OLFM3: variants seen among roughly 807,000 people sequenced by gnomAD.
OLFM3 encodes the protein olfactomedin 3.
Under a neutral mutation model 48.6 loss-of-function variants are expected in OLFM3, and 20 were observed. The ratio of observed to expected loss-of-function variants is 0.41; its 90% CI spans 0.29 to 0.60. OLFM3 has a LOEUF of 0.60. Ranked by LOEUF, OLFM3 falls within the 20% of genes least tolerant of loss-of-function variation. OLFM3 has a pLI of 0.28. For synonymous variants in OLFM3, 222 were observed against 198.1 expected, an observed-to-expected ratio of 1.12 and a Z score of -1.01; for missense variants, 437 against 544.3, an observed-to-expected ratio of 0.80 and a Z score of 1.96.
chr1:101,835,299 A>G (rs939437851), intron 2 of OLFM3, among the ~76,000 whole-genome samples: 2 of 152,198 alleles, frequency 1.3e-5, no homozygotes, highest in African/African-American at 4.8e-5. Context: ...TTATATAAAT[A>G]AAAAAATCAA....
chr1:101,983,123 CTCTT>C (rs1427065690), intron 1 of OLFM3, among the ~76,000 whole-genome samples: 1 of 152,138 alleles, frequency 6.6e-6, no homozygotes, highest in Admixed American at 6.5e-5. Flanking sequence ...ACCAGTGGCT[CTCTT>C]TCTTTTACAT....
chr1:101,984,590 G>A (rs1017914184), intron 1 of OLFM3, among the ~76,000 whole-genome samples: 1 of 152,122 alleles, frequency 6.6e-6, no homozygotes, highest in African/African-American at 2.4e-5. Context: ...AGTAGAGACG[G>A]GGTTTCACCA....
rs199698350 is a variant in OLFM3, at chr1:101,871,671, A to G, written c.70-34646T>C. Among the ~76,000 whole-genome samples, 4 of 152,046 alleles carry G rather than the reference A, an allele frequency of 2.6e-5. No homozygotes were observed. The East Asian group carries it at 7.7e-4, about 29-fold the overall frequency. On this transcript the variant is annotated intron_variant, in intron 1 of 5. Transcript: ENST00000370103. ...AACAAAATCGAAGCCAAACCAAACA[A>G]ATCATATTTATAATCTAAATTGTAT...
At position 101,858,642 on chromosome 1, in the gene OLFM3, A is replaced by G. The variant is rs558250062; in HGVS notation, c.70-21617T>C. ...GAATTTCCCCCTTGCTGTTCTTGTG[A>G]TTGTGAGTTAGTTCTCACGAGATAT... On this transcript the variant is annotated intron_variant, in intron 1 of 5. Transcript: ENST00000370103. Among the ~76,000 whole-genome samples the G allele has an allele frequency of 6.6e-5, 10 of 151,962 alleles. No homozygotes were observed. In the East Asian group the frequency reaches 1.2e-3, roughly 18 times the overall value.
chr1:101,815,622 T>A (rs557020569), intron 4 of OLFM3, among the ~76,000 whole-genome samples: 1 of 148,726 alleles, frequency 6.7e-6, no homozygotes, highest in Non-Finnish European at 1.5e-5. Context: ...CAAAAAAAAA[T>A]AATCAAAGAT....
chr1:101,942,695 G>A (rs1570651612), intron 1 of OLFM3, among the ~76,000 whole-genome samples: 2 of 152,156 alleles, frequency 1.3e-5, no homozygotes, highest in East Asian at 3.9e-4. Context: ...TGATGCATGT[G>A]GTATACAATA....
intron 1 of OLFM3, among the ~76,000 whole-genome samples, chr1:101,851,532 T>C (rs1432590244): frequency 6.6e-6 from 1 of 152,138 alleles, no homozygotes; most frequent in African/African-American, 2.4e-5. Context: ...GCTTGGAGTA[T>C]ATGCTGTCTT....
intron 3 of OLFM3, among the ~76,000 whole-genome samples, chr1:101,829,208 C>G (rs1655029553): frequency 6.6e-6 from 1 of 152,154 alleles, no homozygotes; most frequent in Non-Finnish European, 1.5e-5. Context: ...TCCTCATATT[C>G]TTCTCTGTTT....
intron 1 of OLFM3, among the ~76,000 whole-genome samples, chr1:101,944,226 C>T (rs1240268176): frequency 1.3e-5 from 2 of 152,026 alleles, no homozygotes; most frequent in South Asian, 2.1e-4. Flanking sequence ...AAAGTAACCT[C>T]TGAAAATTAA....
At chr1:101,957,544 G>A (rs1363327952) in intron 1 of OLFM3, among the ~76,000 whole-genome samples, 1 of 151,956 alleles carries the variant, frequency 6.6e-6, no homozygotes, top group African/African-American at 2.4e-5. Context: ...AAATCTAAAT[G>A]TTGCTAATTT....
intron 1 of OLFM3, among the ~76,000 whole-genome samples, chr1:101,932,456 G>A (rs1408506631): frequency 6.6e-6 from 1 of 152,174 alleles, no homozygotes; most frequent in Non-Finnish European, 1.5e-5. Context: ...GGAGGACATA[G>A]ACACTGGGCT....
At position 101,986,996 on chromosome 1, in the gene OLFM3, T is replaced by C. The variant is rs556240628; in HGVS notation, c.69+9752A>G. ...AACAAATAGCTTTCCTCACTGTTTT[T>C]CTTTTAACTGTATTTGAATGTGCTC... On this transcript the variant is annotated intron_variant, in intron 1 of 5. Transcript: ENST00000370103. 2.0e-5 allele frequency among the ~76,000 whole-genome samples: 3 copies of C among 152,354 alleles called. No individual in the cohort carries two copies. The South Asian group carries it at 6.2e-4, about 32-fold the overall frequency.
At chr1:101,969,821 T>C (rs530837052) in intron 1 of OLFM3, among the ~76,000 whole-genome samples, 1 of 152,078 alleles carries the variant, frequency 6.6e-6, no homozygotes, top group South Asian at 2.1e-4. Flanking sequence ...TGAGGATAAG[T>C]GAGTCGGCAC....
chr1:101,986,590 C>T (rs1385103749), intron 1 of OLFM3, among the ~76,000 whole-genome samples: 2 of 152,092 alleles, frequency 1.3e-5, no homozygotes, highest in African/African-American at 2.4e-5. Context: ...TAGGTTGAGT[C>T]GCTTGAGAGG....
chr1:101,996,319 A>G (rs1007631452), intron 1 of OLFM3, among the ~76,000 whole-genome samples: 4 of 152,164 alleles, frequency 2.6e-5, no homozygotes, highest in African/African-American at 4.8e-5. Flanking sequence ...AGTATTATTG[A>G]CCAGGATCAG....
intron 2 of OLFM3, among the ~76,000 whole-genome samples, chr1:101,832,982 C>T (rs1372340134): frequency 6.6e-6 from 1 of 152,010 alleles, no homozygotes; most frequent in Non-Finnish European, 1.5e-5. Flanking sequence ...TAAGGAAAAG[C>T]CATTTGCATT....
intron 1 of OLFM3, among the ~76,000 whole-genome samples, chr1:101,924,862 A>G (rs1175433592): frequency 2.0e-5 from 3 of 152,198 alleles, no homozygotes; most frequent in Non-Finnish European, 4.4e-5. Context: ...AGGTCAAACA[A>G]TGTAGTAAGA....
At chr1:101,854,483 A>G (rs369980115) in intron 1 of OLFM3, among the ~76,000 whole-genome samples, 2 of 152,112 alleles carry the variant, frequency 1.3e-5, no homozygotes, top group South Asian at 2.1e-4. Flanking sequence ...TTCAAAGGAG[A>G]AAAAATGGAT....
chr1:101,900,442 G>A (rs1011576736), intron 1 of OLFM3, among the ~76,000 whole-genome samples: 1 of 152,082 alleles, frequency 6.6e-6, no homozygotes, highest in Admixed American at 6.6e-5. Flanking sequence ...TGAAGCAATA[G>A]AGATATCAAT....
Sources: gnomAD v4.1 joint callset for allele counts (sites outside exome capture counted in the v4.1 genomes callset) on GRCh38, gnomAD v4.1.1 for gene constraint, MANE v1.5 for transcripts, NCBI Gene and HGNC (gene_info 2026-07-23, HGNC 2026-07-21) for gene names.